PPP2R3A: variants seen among roughly 807,000 people sequenced by gnomAD.
The protein encoded by PPP2R3A is protein phosphatase 2 regulatory subunit B''alpha, also known as serine/threonine-protein phosphatase 2A regulatory subunit B'' subunit alpha.
PPP2R3A carries 80 observed loss-of-function variants against 106.9 expected under a neutral mutation model. That is an observed-to-expected ratio of 0.75 (90% CI 0.62 to 0.90). The LOEUF (loss-of-function observed/expected upper bound fraction) is 0.90. Among genes scored for constraint, PPP2R3A ranks in the 40% least tolerant of loss-of-function variants. PPP2R3A has a pLI of 0.00. For missense variants in PPP2R3A, 1,386 were observed against 1,350.4 expected (o/e 1.03, Z -0.41); for synonymous variants, 483 against 468.3 (o/e 1.03, Z -0.41).
intron 13 of PPP2R3A, among the ~76,000 whole-genome samples, chr3:136,109,485 C>T (rs1157725538): frequency 6.6e-6 from 1 of 152,092 alleles, no homozygotes; most frequent in Non-Finnish European, 1.5e-5. Context: ...GTCTTGATAA[C>T]ATCAGATTTT....
chr3:135,999,513 G>T (rs2107784993), intron 1 of PPP2R3A, among the ~76,000 whole-genome samples: 1 of 152,234 alleles, frequency 6.6e-6, no homozygotes. Context: ...ACACCCATGG[G>T]TCTGAAACAA....
intron 10 of PPP2R3A, among the ~76,000 whole-genome samples, chr3:136,094,397 T>TAA (rs35428948): frequency 1.3e-5 from 2 of 151,862 alleles, no homozygotes; most frequent in African/African-American, 2.4e-5. Context: ...TAAGCCTGTT[T>TAA]AAAAAAAAGA....
chr3:136,061,520 C>A (rs1323509224), intron 5 of PPP2R3A, among the ~76,000 whole-genome samples: 1 of 152,066 alleles, frequency 6.6e-6, no homozygotes, highest in Non-Finnish European at 1.5e-5. Context: ...CCCAGCTAAT[C>A]GGGAGGCTGA....
At chr3:136,102,286 G>C in intron 11 of PPP2R3A, 104 bp downstream of exon 11, 1 of 1,217,454 alleles carries the variant, frequency 8.2e-7, no homozygotes, top group Non-Finnish European at 1.1e-6. Context: ...AGTCTTGATA[G>C]AAGACTTCCT....
chr3:136,094,397 TA>T (rs35428948), intron 10 of PPP2R3A, among the ~76,000 whole-genome samples: 19 of 151,862 alleles, frequency 1.3e-4, no homozygotes, highest in African/African-American at 4.1e-4. Flanking sequence ...TAAGCCTGTT[TA>T]AAAAAAAGAC....
chr3:136,057,302 G>C (rs1193060779), intron 5 of PPP2R3A, among the ~76,000 whole-genome samples: 1 of 152,092 alleles, frequency 6.6e-6, no homozygotes, highest in Non-Finnish European at 1.5e-5. Flanking sequence ...AAAATACAGT[G>C]TATATATACA....
chr3:136,138,039 T>C (rs992676173), intron 13 of PPP2R3A, among the ~76,000 whole-genome samples: 2 of 152,120 alleles, frequency 1.3e-5, no homozygotes, highest in Non-Finnish European at 2.9e-5. Flanking sequence ...TGTGTGTATA[T>C]ATTAGGGTAT....
intron 3 of PPP2R3A, among the ~76,000 whole-genome samples, chr3:136,028,968 T>G (rs2107826294): frequency 6.6e-6 from 1 of 152,288 alleles, no homozygotes; most frequent in South Asian, 2.1e-4. Flanking sequence ...TTCTCCTGCC[T>G]CAGCCTCCCA....
intron 2 of PPP2R3A, among the ~76,000 whole-genome samples, chr3:136,013,192 AT>A (rs1559868823): frequency 1.4e-5 from 2 of 139,904 alleles, no homozygotes; most frequent in African/African-American, 6.1e-5. Flanking sequence ...GTATGTATGT[AT>A]GTATGTATGT....
chr3:136,036,565 A>G (rs1011797165), intron 3 of PPP2R3A, among the ~76,000 whole-genome samples: 2 of 152,126 alleles, frequency 1.3e-5, no homozygotes, highest in African/African-American at 4.8e-5. Context: ...CTGTGATGTG[A>G]ACCCTCTGTG....
At chr3:136,143,206 AG>A (rs1428689623) in intron 13 of PPP2R3A, among the ~76,000 whole-genome samples, 2 of 152,242 alleles carry the variant, frequency 1.3e-5, no homozygotes, top group Non-Finnish European at 2.9e-5. Flanking sequence ...ATGTTGGCCT[AG>A]GCTGGGTGCA....
chr3:136,047,365 C>A (rs1935506901), intron 4 of PPP2R3A, among the ~76,000 whole-genome samples: 1 of 152,182 alleles, frequency 6.6e-6, no homozygotes, highest in Non-Finnish European at 1.5e-5. Context: ...AAGCACTGTT[C>A]ACAATTGCAA....
intron 5 of PPP2R3A, among the ~76,000 whole-genome samples, chr3:136,052,888 T>C (rs13065499): frequency 0.37 from 55,841 of 152,002 alleles, 11,836 homozygotes; most frequent in African/African-American, 0.59. Context: ...AAGGAATAAA[T>C]CCACGGAAGC....
intron 5 of PPP2R3A, among the ~76,000 whole-genome samples, chr3:136,057,879 AAC>A (rs887581667): frequency 1.8e-4 from 28 of 152,310 alleles, no homozygotes; most frequent in South Asian, 1.0e-3. Context: ...CATTATGAAG[AAC>A]AGTTTGGAGT....
intron 13 of PPP2R3A, among the ~76,000 whole-genome samples, chr3:136,136,592 G>A (rs929599940): frequency 3.3e-5 from 5 of 152,058 alleles, no homozygotes; most frequent in Non-Finnish European, 7.4e-5. Context: ...GCTCCTCAGG[G>A]GCCAAGAACG....
At chr3:136,056,619 C>G (rs992669968) in intron 5 of PPP2R3A, among the ~76,000 whole-genome samples, 2 of 151,796 alleles carry the variant, frequency 1.3e-5, no homozygotes, top group African/African-American at 4.8e-5. Context: ...AATGTAATAC[C>G]TGAAACTGTA....
intron 2 of PPP2R3A, among the ~76,000 whole-genome samples, chr3:136,005,798 TCTCA>T (rs932631814): frequency 4.6e-5 from 7 of 152,312 alleles, no homozygotes; most frequent in African/African-American, 1.7e-4. Flanking sequence ...AAAGGTATTA[TCTCA>T]CTATTTTCCC....
chr3:136,063,926 C>G (rs901628321), intron 5 of PPP2R3A, among the ~76,000 whole-genome samples: 2 of 149,874 alleles, frequency 1.3e-5, no homozygotes, highest in African/African-American at 5.0e-5. Context: ...GGTATATACC[C>G]AAAGGATTAT....
chr3:136,092,109 A>G (rs1937106831), intron 10 of PPP2R3A, among the ~76,000 whole-genome samples: 1 of 152,144 alleles, frequency 6.6e-6, no homozygotes, highest in Admixed American at 6.5e-5. Flanking sequence ...TGGGCAGATC[A>G]CCTGAGATCA....
Sources: allele counts gnomAD v4.1 joint callset (sites outside exome capture counted in the v4.1 genomes callset), GRCh38; gene constraint gnomAD v4.1.1; transcripts MANE v1.5; gene names NCBI Gene and HGNC (gene_info 2026-07-23, HGNC 2026-07-21).